ZNF430: variants seen among roughly 807,000 people sequenced by gnomAD.
The protein encoded by ZNF430 is zinc finger protein 430.
ZNF430 carries 35 observed loss-of-function variants against 56.7 expected under a neutral mutation model. The observed-to-expected ratio is 0.62, with a 90% confidence interval of 0.47 to 0.82. The LOEUF (loss-of-function observed/expected upper bound fraction) is 0.82, where lower values mean the gene tolerates loss of function less well. ZNF430 is among the 40% of genes least tolerant of loss of function. The pLI is 0.00. For missense variants in ZNF430, 574 were observed against 661.0 expected, an observed-to-expected ratio of 0.87 and a Z score of 1.44; for synonymous variants, 212 against 224.3, an observed-to-expected ratio of 0.94 and a Z score of 0.49.
intron 2 of ZNF430, among the ~76,000 whole-genome samples, chr19:21,024,756 G>A (rs772102211): frequency 2.6e-5 from 4 of 151,994 alleles, no homozygotes; most frequent in Non-Finnish European, 5.9e-5. Context: ...CTCCAGCCTG[G>A]GTGACAGGGC....
At chr19:21,056,510 C>CT (rs1968379971) in intron 4 of ZNF430, 121 bp from the exon 5 acceptor site, 4 of 701,588 alleles carry the variant, frequency 5.7e-6, no homozygotes, top group Middle Eastern at 2.7e-4. Context: ...AAATTAGGGC[C>CT]TTTATTATTT....
intron 2 of ZNF430, chr19:21,025,944 G>T (rs867071664): frequency 4.8e-6 from 2 of 419,680 alleles, no homozygotes; most frequent in Middle Eastern, 3.7e-4. Context: ...CTGTCATTGA[G>T]AACAGAGTGA....
chr19:21,041,294 A>ATTGTTT (rs913313493), intron 4 of ZNF430, among the ~76,000 whole-genome samples: 26 of 151,746 alleles, frequency 1.7e-4, no homozygotes, highest in East Asian at 1.2e-3. Context: ...AGCTCATTTT[A>ATTGTTT]TTGTTTTTGT....
At chr19:21,029,842 G>C (rs1236362557) in intron 2 of ZNF430, among the ~76,000 whole-genome samples, 1 of 152,174 alleles carries the variant, frequency 6.6e-6, no homozygotes, top group Non-Finnish European at 1.5e-5. Flanking sequence ...GCACATGCCT[G>C]TAATCCCAGC....
intron 4 of ZNF430, chr19:21,034,398 GT>G (rs1967957317): frequency 2.3e-6 from 1 of 426,132 alleles, no homozygotes; most frequent in African/African-American, 2.0e-5. Flanking sequence ...CTCCCTTCAA[GT>G]TTGCTATCAG....
At chr19:21,054,667 GTCT>G (rs1968339414) in intron 4 of ZNF430, among the ~76,000 whole-genome samples, 1 of 105,796 alleles carries the variant, frequency 9.5e-6, no homozygotes, top group Non-Finnish European at 1.9e-5. Flanking sequence ...TCATTTTTAC[GTCT>G]TTTTTTTTTT....
chr19:21,027,408 A>G (rs1967823930), intron 2 of ZNF430, among the ~76,000 whole-genome samples: 1 of 152,130 alleles, frequency 6.6e-6, no homozygotes. Context: ...TAATCTTGGT[A>G]TTTGTTATTA....
intron 4 of ZNF430, among the ~76,000 whole-genome samples, chr19:21,056,305 A>G (rs536761920): frequency 4.7e-4 from 71 of 152,270 alleles, no homozygotes; most frequent in Middle Eastern, 3.4e-3. Flanking sequence ...ACTGGCCAAC[A>G]TGGCGAAACC....
intron 2 of ZNF430, among the ~76,000 whole-genome samples, chr19:21,031,682 G>C (rs1387244014): frequency 6.6e-6 from 1 of 152,036 alleles, no homozygotes; most frequent in Non-Finnish European, 1.5e-5. Flanking sequence ...TCAAAATGCA[G>C]GTATAACTTG....
intron 4 of ZNF430, among the ~76,000 whole-genome samples, chr19:21,049,987 C>T (rs943662256): frequency 1.3e-3 from 2 of 1,544 alleles, no homozygotes; most frequent in African/African-American, 2.4e-3. Flanking sequence ...TGCGGTGGCT[C>T]GATCTCAGCC....
intron 4 of ZNF430, among the ~76,000 whole-genome samples, chr19:21,050,926 G>GA (rs1968272983): frequency 6.6e-6 from 1 of 152,126 alleles, no homozygotes; most frequent in East Asian, 1.9e-4. Context: ...TACTCGGGAG[G>GA]CTGAGGCAGG....
At chr19:21,026,040 G>C (rs1378777372) in intron 2 of ZNF430, 1 of 345,374 alleles carries the variant, frequency 2.9e-6, no homozygotes, top group Non-Finnish European at 5.5e-6. Context: ...TGCACTCCTG[G>C]ATCTAATTTT....
At chr19:21,035,552 T>C (rs1967983783) in intron 4 of ZNF430, 1 of 214,848 alleles carries the variant, frequency 4.7e-6, no homozygotes, top group Non-Finnish European at 9.9e-6. Context: ...TCCAGTGCTA[T>C]GTTAAAATAG....
chr19:21,022,081 G>A (rs1278303943), intron 1 of ZNF430, among the ~76,000 whole-genome samples: 2 of 152,012 alleles, frequency 1.3e-5, no homozygotes, highest in African/African-American at 4.8e-5. Flanking sequence ...CAGGTGATCC[G>A]CCTGCCTTGG....
Position 21,054,669 on chromosome 19 carries a change from C to CTTTTTT in ZNF430, c.323-1943_323-1938dup, listed in dbSNP as rs55772412. 3.9e-3 allele frequency among the ~76,000 whole-genome samples: 254 copies of CTTTTTT among 65,596 alleles called. 6 individuals are homozygous for CTTTTTT. Among genetic ancestry groups the CTTTTTT allele is most frequent in the Non-Finnish European group, 4.7e-3 (180 of 38,612 alleles). 43.0% of individuals were successfully genotyped at this position (65,596 alleles called of 152,430 possible). Reference sequence around the variant, plus strand: ...TTTTTGAGCTTCTTCATTTTTACGTCTTTTTTTTTTTTTTTTTTTTTTTTG... The same window carrying CTTTTTT: ...TTTTTGAGCTTCTTCATTTTTACGTCTTTTTTTTTTTTTTTTTTTTTTTTTTTTTTG... On this transcript the variant is annotated intron_variant, in intron 4 of 4. Transcript: ENST00000261560.
intron 4 of ZNF430, chr19:21,036,775 C>G (rs1477369532): frequency 7.1e-6 from 1 of 141,408 alleles, no homozygotes. Flanking sequence ...TGCACTCCAG[C>G]TTTTTGACAG....
chr19:21,031,547 C>T (rs948647892), intron 2 of ZNF430, among the ~76,000 whole-genome samples: 1 of 152,136 alleles, frequency 6.6e-6, no homozygotes, highest in East Asian at 1.9e-4. Flanking sequence ...GCTCGTTGTT[C>T]CTGAATCCTT....
chr19:21,032,795 A>T (rs1316269050), intron 2 of ZNF430, among the ~76,000 whole-genome samples: 2 of 152,318 alleles, frequency 1.3e-5, no homozygotes, highest in South Asian at 2.1e-4. Flanking sequence ...GAAGAAAAAA[A>T]GTCTGCACAA....
At chr19:21,053,221 A>C (rs1227834313) in intron 4 of ZNF430, among the ~76,000 whole-genome samples, 1 of 151,966 alleles carries the variant, frequency 6.6e-6, no homozygotes, top group Admixed American at 6.6e-5. Context: ...ACCCTGACCT[A>C]TAGGCGCCTG....
Sources: gnomAD v4.1 joint callset for allele counts (sites outside exome capture counted in the v4.1 genomes callset) on GRCh38, gnomAD v4.1.1 for gene constraint, MANE v1.5 for transcripts, NCBI Gene and HGNC (gene_info 2026-07-23, HGNC 2026-07-21) for gene names.